Variants in MAP2K4 observed in about 807,000 individuals in gnomAD.
MAP2K4 encodes the protein dual specificity mitogen-activated protein kinase kinase 4.
A neutral mutation model predicts 48.5 loss-of-function variants in MAP2K4; 4 were observed. The ratio of observed to expected loss-of-function variants is 0.08; its 90% CI spans 0.04 to 0.19. MAP2K4 has a LOEUF of 0.19. Ranked by LOEUF, MAP2K4 falls within the 10% of genes least tolerant of loss-of-function variation. The pLI is 1.00. For synonymous variants in MAP2K4, 166 were observed against 173.1 expected, an observed-to-expected ratio of 0.96 and a Z score of 0.32; for missense variants, 258 against 493.3, an observed-to-expected ratio of 0.52 and a Z score of 4.52.
intron 2 of MAP2K4, among the ~76,000 whole-genome samples, chr17:12,079,062 C>G (rs1403109696): frequency 4.6e-5 from 7 of 152,196 alleles, no homozygotes; most frequent in Non-Finnish European, 7.3e-5. Context: ...ACATTCTCCT[C>G]TTTTAGCAGC....
chr17:12,062,057 TC>T (rs1278426201), intron 2 of MAP2K4, among the ~76,000 whole-genome samples: 1 of 140,240 alleles, frequency 7.1e-6, no homozygotes, highest in Non-Finnish European at 1.5e-5. Flanking sequence ...GTTCTCCCCC[TC>T]TCCCCCCCCT....
intron 1 of MAP2K4, among the ~76,000 whole-genome samples, chr17:12,021,816 T>G (rs1221077544): frequency 1.3e-5 from 2 of 151,990 alleles, no homozygotes; most frequent in African/African-American, 2.4e-5. Flanking sequence ...AAAGTGATAC[T>G]GTAGTGTCTG....
chr17:12,128,862 GC>G (rs1264476998), intron 8 of MAP2K4, among the ~76,000 whole-genome samples: 1 of 152,228 alleles, frequency 6.6e-6, no homozygotes, highest in Non-Finnish European at 1.5e-5. Context: ...CCTGGAGCAT[GC>G]ATTGTAGGGA....
At chr17:12,133,695 T>C (rs1234059373) in intron 9 of MAP2K4, among the ~76,000 whole-genome samples, 1 of 152,158 alleles carries the variant, frequency 6.6e-6, no homozygotes. Context: ...AAACTCTGGA[T>C]GGGGATAAGA....
intron 3 of MAP2K4, among the ~76,000 whole-genome samples, chr17:12,090,482 G>T (rs558138174): frequency 6.2e-4 from 94 of 152,246 alleles, no homozygotes; most frequent in African/African-American, 2.1e-3. Flanking sequence ...ATGCTACTTG[G>T]TGACCTGCTT....
chr17:12,029,797 G>T (rs1257966838), intron 1 of MAP2K4, among the ~76,000 whole-genome samples: 2 of 151,814 alleles, frequency 1.3e-5, no homozygotes, highest in African/African-American at 4.8e-5. Flanking sequence ...AAGTTAGCCA[G>T]ACATAGTGGC....
chr17:12,114,950 G>A (rs1324204223), intron 7 of MAP2K4, among the ~76,000 whole-genome samples: 1 of 152,122 alleles, frequency 6.6e-6, no homozygotes, highest in East Asian at 1.9e-4. Context: ...ATCTTTACTG[G>A]ACCAGATGAA....
chr17:12,108,797 T>C (rs903290679), intron 5 of MAP2K4, among the ~76,000 whole-genome samples: 15 of 151,988 alleles, frequency 9.9e-5, no homozygotes, highest in Non-Finnish European at 2.1e-4. Context: ...TCAAATAATT[T>C]CATAAAAAGA....
At chr17:12,053,994 A>T (rs1378272090) in intron 1 of MAP2K4, among the ~76,000 whole-genome samples, 1 of 152,182 alleles carries the variant, frequency 6.6e-6, no homozygotes, top group African/African-American at 2.4e-5. Context: ...GCAAATGCTT[A>T]AAAAATTCAG....
intron 2 of MAP2K4, among the ~76,000 whole-genome samples, chr17:12,075,066 G>T (rs571945979): frequency 6.6e-6 from 1 of 152,312 alleles, no homozygotes; most frequent in East Asian, 1.9e-4. Context: ...TGGAACTAGG[G>T]AATAATATCT....
At chr17:12,127,165 T>C (rs1170581862) in intron 8 of MAP2K4, among the ~76,000 whole-genome samples, 1 of 152,192 alleles carries the variant, frequency 6.6e-6, no homozygotes, top group Non-Finnish European at 1.5e-5. Context: ...GGCCAACAGC[T>C]CACCTCTGCA....
chr17:12,094,499 C>T (rs1311971045), intron 3 of MAP2K4, among the ~76,000 whole-genome samples: 2 of 152,122 alleles, frequency 1.3e-5, no homozygotes, highest in South Asian at 2.1e-4. Context: ...AAAATGCCAC[C>T]TTGTGTATTT....
chr17:12,026,013 A>G (rs1205654446), intron 1 of MAP2K4, among the ~76,000 whole-genome samples: 3 of 152,208 alleles, frequency 2.0e-5, no homozygotes, highest in Non-Finnish European at 4.4e-5. Context: ...ACTGTTTAAC[A>G]TAACCTCATA....
rs1194982769 is a variant in MAP2K4, at chr17:12,068,162, AAAAC to A, written c.218+13179_218+13182del. ...TGGAGGGTGACTGAATGAGAAAGGA[AAAAC>A]AAACAAATTTAGATTAAGGGTGTAG... On this transcript the variant is annotated intron_variant, in intron 2 of 10. Transcript: ENST00000353533. Among the ~76,000 whole-genome samples, 4 of 152,368 alleles carry A rather than the reference AAAAC, an allele frequency of 2.6e-5. No individual in the cohort carries two copies. The East Asian group carries it at 7.7e-4, about 29-fold the overall frequency.
At chr17:12,078,727 T>C (rs1400316335) in intron 2 of MAP2K4, among the ~76,000 whole-genome samples, 1 of 152,220 alleles carries the variant, frequency 6.6e-6, no homozygotes, top group African/African-American at 2.4e-5. Context: ...ACTGTTTATG[T>C]TCTTTCTTTC....
intron 1 of MAP2K4, among the ~76,000 whole-genome samples, chr17:12,044,712 A>G (rs1385777106): frequency 6.6e-6 from 1 of 152,180 alleles, no homozygotes; most frequent in Non-Finnish European, 1.5e-5. Flanking sequence ...TTACCTGGAG[A>G]TAGTGTCAGA....
At chr17:12,078,875 T>C (rs1364729158) in intron 2 of MAP2K4, among the ~76,000 whole-genome samples, 1 of 152,188 alleles carries the variant, frequency 6.6e-6, no homozygotes, top group Non-Finnish European at 1.5e-5. Flanking sequence ...TGGTTGTACC[T>C]ACTGTTAAAG....
chr17:12,027,436 A>G (rs1364810110), intron 1 of MAP2K4, among the ~76,000 whole-genome samples: 4 of 152,158 alleles, frequency 2.6e-5, no homozygotes, highest in African/African-American at 4.8e-5. Context: ...TCAAACATTG[A>G]AAAACGAGGA....
chr17:12,052,275 CA>C (rs1165151715), intron 1 of MAP2K4, among the ~76,000 whole-genome samples: 1 of 152,164 alleles, frequency 6.6e-6, no homozygotes, highest in Non-Finnish European at 1.5e-5. Flanking sequence ...AAGATAATTG[CA>C]GATGTCTCTG....
Sources: allele counts gnomAD v4.1 joint callset (sites outside exome capture counted in the v4.1 genomes callset), GRCh38; gene constraint gnomAD v4.1.1; transcripts MANE v1.5; gene names NCBI Gene and HGNC (gene_info 2026-07-23, HGNC 2026-07-21).